The following TMPRSS15 variants were observed in gnomAD, a reference collection of about 807,000 sequenced individuals.
TMPRSS15 encodes enteropeptidase.
Under a neutral mutation model 125.3 loss-of-function variants are expected in TMPRSS15, and 128 were observed. The observed-to-expected ratio is 1.02, with a 90% CI of 0.89 to 1.18. TMPRSS15 has a LOEUF of 1.18. Ranked by LOEUF, TMPRSS15 falls within the 50% of genes most tolerant of loss-of-function variation. The probability of loss-of-function intolerance (pLI) is 0.00; values close to 1 mark genes in which losing one functional copy is unlikely to be tolerated. For synonymous variants in TMPRSS15, 446 were observed against 423.2 expected (o/e 1.05, Z -0.66); for missense variants, 1,283 against 1,212.7 (o/e 1.06, Z -0.86).
intron 1 of TMPRSS15, among the ~76,000 whole-genome samples, chr21:18,472,525 C>A (rs1182054653): frequency 6.7e-6 from 1 of 149,724 alleles, no homozygotes; most frequent in Admixed American, 6.7e-5. Flanking sequence ...ATTTAATTGG[C>A]TAGGTTTGTA....
chr21:18,303,129 G>A (rs1412034882), intron 18 of TMPRSS15, among the ~76,000 whole-genome samples: 1 of 151,912 alleles, frequency 6.6e-6, no homozygotes, highest in African/African-American at 2.4e-5. Flanking sequence ...TCCTTTTTGC[G>A]TGGGTCTCCA....
chr21:18,291,779 C>T (rs2074838481), intron 21 of TMPRSS15, among the ~76,000 whole-genome samples: 1 of 152,012 alleles, frequency 6.6e-6, no homozygotes, highest in African/African-American at 2.4e-5. Context: ...CATTGAATGC[C>T]TAAGGAGAGT....
chr21:18,280,586 A>AAACAAACAAAC (rs1555890682), intron 22 of TMPRSS15, among the ~76,000 whole-genome samples: 1,763 of 149,078 alleles, frequency 0.012, 92 homozygotes, highest in African/African-American at 0.042. Context: ...AAAAAAAAAA[A>AAACAAACAAAC]AAAAAAAAAC....
At chr21:18,411,888 T>C (rs894672254) in intron 1 of TMPRSS15, among the ~76,000 whole-genome samples, 4 of 152,204 alleles carry the variant, frequency 2.6e-5, no homozygotes, top group African/African-American at 9.6e-5. Flanking sequence ...ACTCTATTCA[T>C]GGCAGTATTC....
At chr21:18,485,710 T>C in intron 1 of TMPRSS15, 1 of 155,454 alleles carries the variant, frequency 6.4e-6, no homozygotes, top group Non-Finnish European at 1.4e-5. Flanking sequence ...ACTGTAATTC[T>C]TTATTGTGTT....
chr21:18,434,943 T>C (rs1211268648), intron 1 of TMPRSS15, among the ~76,000 whole-genome samples: 2 of 152,158 alleles, frequency 1.3e-5, no homozygotes, highest in African/African-American at 4.8e-5. Flanking sequence ...TAAAAATAGA[T>C]ATTATCTTTT....
chr21:18,471,208 A>C (rs930619857), intron 1 of TMPRSS15, among the ~76,000 whole-genome samples: 2 of 152,092 alleles, frequency 1.3e-5, no homozygotes, highest in African/African-American at 4.8e-5. Context: ...TGATAATAAC[A>C]ACAACAACAA....
At chr21:18,294,488 AT>A (rs779867588) in intron 20 of TMPRSS15, 44 bp from the exon 21 acceptor site, 1 of 1,612,394 alleles carries the variant, frequency 6.2e-7, no homozygotes. Context: ...CATTTTTGGC[AT>A]TTCTTCTGAT....
chr21:18,394,567 C>T (rs933790227), intron 3 of TMPRSS15, among the ~76,000 whole-genome samples: 1 of 151,956 alleles, frequency 6.6e-6, no homozygotes, highest in Non-Finnish European at 1.5e-5. Context: ...CTCTCTCTTT[C>T]TCTCACATAC....
Position 18,280,372 on chromosome 21 carries a change from C to T in TMPRSS15, c.2668+668G>A, listed in dbSNP as rs150698731. 4.1e-3 allele frequency among the ~76,000 whole-genome samples: 629 copies of T among 152,016 alleles called. 6 individuals carry two copies. Among genetic ancestry groups the T allele is most frequent in the African/African-American group, 0.013 (522 of 41,442 alleles). On this transcript the variant is annotated intron_variant, in intron 22 of 24. Transcript: ENST00000284885. ...TGGGTGGATCACAAGGTCAAGAGAT[C>T]GAGATCATCCTGGCCAACATGGTGA...
intron 10 of TMPRSS15, among the ~76,000 whole-genome samples, chr21:18,345,648 G>C (rs1002957070): frequency 2.1e-5 from 3 of 141,502 alleles, no homozygotes; most frequent in African/African-American, 7.8e-5. Context: ...CACTGAGGCA[G>C]GAGAATGACG....
chr21:18,451,114 G>A (rs1978333742), intron 1 of TMPRSS15, among the ~76,000 whole-genome samples: 2 of 151,786 alleles, frequency 1.3e-5, no homozygotes, highest in African/African-American at 4.8e-5. Context: ...TATTTCAGAT[G>A]TGGTGTTTTG....
chr21:18,357,577 A>G (rs945484311), intron 8 of TMPRSS15, among the ~76,000 whole-genome samples: 2 of 151,878 alleles, frequency 1.3e-5, no homozygotes, highest in African/African-American at 4.8e-5. Flanking sequence ...TATATTTTGA[A>G]TTGGAATTTA....
chr21:18,317,436 G>A (rs1011458156), intron 16 of TMPRSS15, among the ~76,000 whole-genome samples: 1 of 140,498 alleles, frequency 7.1e-6, no homozygotes, highest in Non-Finnish European at 1.5e-5. Flanking sequence ...ATTTGAGGGG[G>A]GGTGTTTTTA....
At chr21:18,391,103 T>G (rs2075986597) in intron 3 of TMPRSS15, among the ~76,000 whole-genome samples, 1 of 152,168 alleles carries the variant, frequency 6.6e-6, no homozygotes, top group Non-Finnish European at 1.5e-5. Context: ...GGATTACAAT[T>G]GGAGATGAGA....
chr21:18,390,753 A>T (rs927473978), intron 3 of TMPRSS15, among the ~76,000 whole-genome samples: 3 of 152,190 alleles, frequency 2.0e-5, no homozygotes, highest in African/African-American at 7.2e-5. Context: ...AGGATGCAAT[A>T]ATAAGGAGAG....
intron 1 of TMPRSS15, among the ~76,000 whole-genome samples, chr21:18,437,991 A>T (rs899954677): frequency 2.9e-4 from 44 of 151,522 alleles, no homozygotes; most frequent in African/African-American, 1.1e-3. Flanking sequence ...TACCCAAAGG[A>T]CTATAAATCA....
chr21:18,449,877 GCACACACA>G (rs3082204), intron 1 of TMPRSS15, among the ~76,000 whole-genome samples: 1 of 147,510 alleles, frequency 6.8e-6, no homozygotes, highest in African/African-American at 2.5e-5. Flanking sequence ...ACACACACAC[GCACACACA>G]CACACACACA....
At chr21:18,419,127 CATT>C (rs2076186481) in intron 1 of TMPRSS15, among the ~76,000 whole-genome samples, 1 of 152,008 alleles carries the variant, frequency 6.6e-6, no homozygotes, top group South Asian at 2.1e-4. Flanking sequence ...CAGTCTTACT[CATT>C]GTTGTCACTT....
Sources: gnomAD v4.1 joint callset for allele counts (sites outside exome capture counted in the v4.1 genomes callset) on GRCh38, gnomAD v4.1.1 for gene constraint, MANE v1.5 for transcripts, NCBI Gene and HGNC (gene_info 2026-07-23, HGNC 2026-07-21) for gene names.